The following ASPH variants were observed in gnomAD, a reference collection of about 807,000 sequenced individuals.
ASPH encodes the protein aspartyl/asparaginyl beta-hydroxylase.
A neutral mutation model predicts 118.4 loss-of-function variants in ASPH; 100 were observed. The observed-to-expected ratio is 0.84, with a 90% CI of 0.72 to 1.00. ASPH has a LOEUF of 1.00. Ranked by LOEUF, ASPH falls within the 50% of genes least tolerant of loss-of-function variation. The pLI is 0.00. For synonymous variants in ASPH, 315 were observed against 325.6 expected (o/e 0.97, Z 0.35); for missense variants, 920 against 919.5 (o/e 1.00, Z -0.01).
chr8:61,685,737 A>G (rs1190322328), intron 1 of ASPH, among the ~76,000 whole-genome samples: 5 of 152,076 alleles, frequency 3.3e-5, no homozygotes, highest in Non-Finnish European at 7.4e-5. Context: ...CTGAGTATAT[A>G]TATGTACACT....
At chr8:61,704,877 T>A (rs929681234) in intron 1 of ASPH, among the ~76,000 whole-genome samples, 2 of 152,126 alleles carry the variant, frequency 1.3e-5, no homozygotes, top group East Asian at 1.9e-4. Context: ...AGTGGGAGTA[T>A]AAAATATATT....
chr8:61,668,289 C>G (rs374881520), intron 3 of ASPH: 64 of 1,599,548 alleles, frequency 4.0e-5, no homozygotes, highest in African/African-American at 5.4e-5. Flanking sequence ...TTGACATTTA[C>G]AAGATGAAAA....
At chr8:61,564,094 CAG>C (rs1830836708) in intron 17 of ASPH, among the ~76,000 whole-genome samples, 1 of 152,086 alleles carries the variant, frequency 6.6e-6, no homozygotes, top group African/African-American at 2.4e-5. Flanking sequence ...GAGAGGCACT[CAG>C]AGTTAGATTT....
intron 15 of ASPH, chr8:61,578,398 T>A: frequency 6.2e-7 from 1 of 1,604,640 alleles, no homozygotes; most frequent in Non-Finnish European, 8.5e-7. Context: ...GCCAGCGGCA[T>A]GGGAGGCATC....
intron 10 of ASPH, among the ~76,000 whole-genome samples, chr8:61,640,349 C>T (rs1428235159): frequency 6.6e-6 from 1 of 152,216 alleles, no homozygotes; most frequent in East Asian, 1.9e-4. Context: ...TCTGACTTGG[C>T]AGTGCTCAAA....
At chr8:61,568,051 A>T (rs1318325460) in intron 16 of ASPH, among the ~76,000 whole-genome samples, 1 of 152,090 alleles carries the variant, frequency 6.6e-6, no homozygotes, top group African/African-American at 2.4e-5. Context: ...AGTGGAGGGG[A>T]GGAAAGGGAA....
chr8:61,671,833 T>C (rs1822703567), intron 3 of ASPH, among the ~76,000 whole-genome samples: 1 of 152,242 alleles, frequency 6.6e-6, no homozygotes, highest in Non-Finnish European at 1.5e-5. Context: ...GTTTGAACCA[T>C]TAAGCCAATG....
intron 21 of ASPH, among the ~76,000 whole-genome samples, chr8:61,539,017 G>A (rs1375319392): frequency 1.3e-5 from 2 of 152,156 alleles, no homozygotes; most frequent in Non-Finnish European, 2.9e-5. Context: ...CAAGGTAGAC[G>A]GATCACCTGA....
chr8:61,670,996 C>T (rs1385745091), intron 3 of ASPH, among the ~76,000 whole-genome samples: 2 of 152,026 alleles, frequency 1.3e-5, no homozygotes, highest in Admixed American at 6.6e-5. Flanking sequence ...AGCATGCCCC[C>T]GACAGAGGCT....
chr8:61,608,325 T>C (rs974561545), intron 14 of ASPH, among the ~76,000 whole-genome samples: 2 of 152,130 alleles, frequency 1.3e-5, no homozygotes, highest in Non-Finnish European at 2.9e-5. Context: ...ACATGGGTCA[T>C]GAGATGAAAA....
At chr8:61,516,923 T>C (rs1811125172) in intron 24 of ASPH, 1 of 152,376 alleles carries the variant, frequency 6.6e-6, no homozygotes, top group Non-Finnish European at 1.5e-5. Context: ...GAGCACCTTA[T>C]AGGCATTATT....
chr8:61,542,971 A>G (rs534587857), intron 21 of ASPH, among the ~76,000 whole-genome samples: 1 of 152,258 alleles, frequency 6.6e-6, no homozygotes, highest in South Asian at 2.1e-4. Flanking sequence ...CTTTTGTGCA[A>G]TAAGTCCTCT....
intron 21 of ASPH, among the ~76,000 whole-genome samples, chr8:61,540,928 A>T (rs1186342873): frequency 6.6e-6 from 1 of 151,974 alleles, no homozygotes; most frequent in African/African-American, 2.4e-5. Flanking sequence ...CGCCATCTTT[A>T]TAATTTTAAA....
intron 13 of ASPH, among the ~76,000 whole-genome samples, chr8:61,626,536 A>G (rs969457209): frequency 6.6e-6 from 1 of 152,056 alleles, no homozygotes; most frequent in African/African-American, 2.4e-5. Context: ...AATAATCTCA[A>G]TCTTTTAAGA....
At chr8:61,681,385 T>C (rs554413642) in intron 2 of ASPH, among the ~76,000 whole-genome samples, 30 of 151,930 alleles carry the variant, frequency 2.0e-4, no homozygotes, top group South Asian at 6.2e-4. Flanking sequence ...TGAAATAATA[T>C]TGATGCATTC....
chr8:61,521,076 T>C (rs1376123306), intron 22 of ASPH, among the ~76,000 whole-genome samples: 1 of 152,216 alleles, frequency 6.6e-6, no homozygotes, highest in Non-Finnish European at 1.5e-5. Flanking sequence ...AGTTCCTTGA[T>C]GCTCACGACA....
At chr8:61,545,017 G>A (rs1019335558) in intron 21 of ASPH, among the ~76,000 whole-genome samples, 1 of 152,160 alleles carries the variant, frequency 6.6e-6, no homozygotes, top group Admixed American at 6.5e-5. Flanking sequence ...CGTATGGGAA[G>A]GTCTGTTGGA....
chr8:61,685,792 T>A (rs1020599629), intron 1 of ASPH, among the ~76,000 whole-genome samples: 2 of 141,156 alleles, frequency 1.4e-5, no homozygotes, highest in Non-Finnish European at 3.1e-5. Flanking sequence ...TGTAGATAAA[T>A]TTTTTTTTTT....
At chr8:61,661,934 A>G in intron 3 of ASPH, 1 of 452,892 alleles carries the variant, frequency 2.2e-6, no homozygotes. Context: ...TACCTATAAA[A>G]TAAAATTGAA....
Sources: gnomAD v4.1 joint callset for allele counts (sites outside exome capture counted in the v4.1 genomes callset) on GRCh38, gnomAD v4.1.1 for gene constraint, MANE v1.5 for transcripts, NCBI Gene and HGNC (gene_info 2026-07-23, HGNC 2026-07-21) for gene names.